The following POU6F2 variants were observed in gnomAD, a reference collection of about 807,000 sequenced individuals.
POU6F2 encodes POU class 6 homeobox 2.
Under a neutral mutation model 71.3 loss-of-function variants are expected in POU6F2, and 31 were observed. The ratio of observed to expected loss-of-function variants is 0.43; its 90% confidence interval spans 0.33 to 0.59. The LOEUF (loss-of-function observed/expected upper bound fraction) is 0.59. Among genes scored for constraint, POU6F2 ranks in the 20% least tolerant of loss-of-function variants. The pLI, the probability that POU6F2 is intolerant of heterozygous loss-of-function variation, is 0.04. For synonymous variants in POU6F2, 347 were observed against 355.7 expected (o/e 0.98, Z 0.27); for missense variants, 783 against 856.8 (o/e 0.91, Z 1.07).
chr7:39,219,274 G>C (rs1374912811), intron 4 of POU6F2, among the ~76,000 whole-genome samples: 1 of 152,168 alleles, frequency 6.6e-6, no homozygotes, highest in Non-Finnish European at 1.5e-5. Flanking sequence ...CATGTATAAA[G>C]AAGCTATTTT....
At chr7:39,037,348 T>A (rs1242391435) in intron 1 of POU6F2, among the ~76,000 whole-genome samples, 1 of 152,022 alleles carries the variant, frequency 6.6e-6, no homozygotes, top group Non-Finnish European at 1.5e-5. Context: ...CTCTAACTTA[T>A]GCAACCAGCA....
chr7:39,458,487 G>C (rs531430833), intron 8 of POU6F2, among the ~76,000 whole-genome samples: 1 of 152,140 alleles, frequency 6.6e-6, no homozygotes, highest in South Asian at 2.1e-4. Context: ...AGGAAAAAAG[G>C]GCTCGAGACT....
chr7:38,999,093 G>C (rs1788826754), intron 1 of POU6F2, among the ~76,000 whole-genome samples: 1 of 152,128 alleles, frequency 6.6e-6, no homozygotes, highest in South Asian at 2.1e-4. Context: ...TTAGGAGTCA[G>C]ATGCTGGAGT....
intron 2 of POU6F2, chr7:39,132,267 C>G (rs1001274423): frequency 6.6e-6 from 1 of 152,144 alleles, no homozygotes; most frequent in Admixed American, 6.5e-5. Flanking sequence ...CATCTGAATT[C>G]AAATTTGCTC....
intron 2 of POU6F2, among the ~76,000 whole-genome samples, chr7:39,175,034 C>G (rs1212503656): frequency 2.0e-5 from 3 of 152,082 alleles, no homozygotes; most frequent in South Asian, 4.1e-4. Flanking sequence ...ATTACTTTTT[C>G]CCTTTGGTTA....
At chr7:39,302,103 T>C (rs940656127) in intron 4 of POU6F2, among the ~76,000 whole-genome samples, 1 of 152,204 alleles carries the variant, frequency 6.6e-6, no homozygotes, top group African/African-American at 2.4e-5. Flanking sequence ...GTCTATAGTT[T>C]TCAGAAACCA....
intron 2 of POU6F2, among the ~76,000 whole-genome samples, chr7:39,146,889 A>C (rs1362660507): frequency 6.6e-6 from 1 of 152,190 alleles, no homozygotes; most frequent in Non-Finnish European, 1.5e-5. Context: ...TAATTAGTTC[A>C]TACCATTTAA....
At chr7:39,381,532 A>G (rs1384124038) in intron 5 of POU6F2, among the ~76,000 whole-genome samples, 2 of 152,100 alleles carry the variant, frequency 1.3e-5, no homozygotes, top group African/African-American at 4.8e-5. Flanking sequence ...ATGAGCCTCC[A>G]TGCCCAGCTT....
chr7:39,064,831 T>G (rs1790725061), intron 1 of POU6F2, among the ~76,000 whole-genome samples: 2 of 151,856 alleles, frequency 1.3e-5, no homozygotes, highest in African/African-American at 4.8e-5. Context: ...AAGTACTAAA[T>G]GATAAAAATT....
intron 8 of POU6F2, among the ~76,000 whole-genome samples, chr7:39,454,184 G>A (rs1788729677): frequency 1.3e-5 from 2 of 152,142 alleles, no homozygotes; most frequent in African/African-American, 4.8e-5. Context: ...CGCAGGGCAA[G>A]GTCTGGAAGG....
rs866086699 is a variant in POU6F2, at chr7:39,015,830, G to T, written c.105+37772G>T. On this transcript the variant is annotated intron_variant, in intron 1 of 9. Transcript: ENST00000518318. ...ATTATATAGGTATATATTATATATA[G>T]ATATATAATATATTATATATAGATA... Among the ~76,000 whole-genome samples the T allele has an allele frequency of 3.0e-3, 191 of 64,352 alleles. 1 individual carries two copies. Among genetic ancestry groups the T allele is most frequent in the African/African-American group, 0.011 (187 of 16,464 alleles). The allele number at this position is 64,352 out of a possible 152,430, so 42.2% of individuals were successfully genotyped here. A position where few individuals can be genotyped will look rare whatever the true frequency, so the allele number is the denominator to read the frequency against.
intron 2 of POU6F2, among the ~76,000 whole-genome samples, chr7:39,145,352 T>TGA (rs1792597773): frequency 6.6e-6 from 1 of 152,156 alleles, no homozygotes; most frequent in Admixed American, 6.5e-5. Flanking sequence ...ATGATGTTTA[T>TGA]GAGAGAGAGA....
chr7:39,277,525 A>G (rs564934446), intron 4 of POU6F2, among the ~76,000 whole-genome samples: 1 of 152,290 alleles, frequency 6.6e-6, no homozygotes, highest in African/African-American at 2.4e-5. Flanking sequence ...TATTTCCGCA[A>G]AAAGCAAGTA....
chr7:39,465,792 G>C lies in POU6F2; in HGVS notation c.*1106G>C, dbSNP rs1789057920. On this transcript the variant is annotated 3_prime_UTR_variant, in exon 10 of 10. Transcript: ENST00000518318. The stretch of plus-strand genomic sequence containing the variant: ...TCAGTCTGTTGGCCACGTACATGGA[G>C]AGCTGACCAAAACTAATTTTGTAAT... The C allele has an allele frequency of 6.6e-6, 1 of 152,220 alleles. No individual in the cohort carries two copies. 9.4% of individuals were successfully genotyped at this position (152,220 alleles called of 1,614,324 possible).
intron 1 of POU6F2, among the ~76,000 whole-genome samples, chr7:39,019,171 C>T (rs914187673): frequency 5.9e-5 from 9 of 152,064 alleles, no homozygotes; most frequent in Non-Finnish European, 1.2e-4. Flanking sequence ...CCCCACATGC[C>T]TGAAAATGAC....
chr7:39,059,022 A>G (rs1562689446), intron 1 of POU6F2, among the ~76,000 whole-genome samples: 1 of 152,218 alleles, frequency 6.6e-6, no homozygotes, highest in Non-Finnish European at 1.5e-5. Flanking sequence ...AATGTAAAAA[A>G]TAAACACCTT....
intron 5 of POU6F2, among the ~76,000 whole-genome samples, chr7:39,348,747 A>G (rs1786078006): frequency 6.6e-6 from 1 of 152,234 alleles, no homozygotes; most frequent in African/African-American, 2.4e-5. Context: ...CACTGATCCA[A>G]AGAAATTTTA....
In POU6F2 at chr7:39,204,685, A is replaced by G. The variant is rs1010730210; in HGVS notation, c.369+359A>G. 5.3e-5 allele frequency among the ~76,000 whole-genome samples: 8 copies of G among 152,140 alleles called. No individual in the cohort carries two copies. In the East Asian group the frequency reaches 5.8e-4, roughly 11 times the overall value. On this transcript the variant is annotated intron_variant, in intron 3 of 9. Coordinates refer to ENST00000518318, the MANE Select transcript of POU6F2 (RefSeq NM_001370959.1). ...AAAATTAAGTTATTTCAACCTTACT[A>G]TAGCCATTTTTGAAATAGAAGATGT... is the stretch of plus-strand genomic sequence containing the variant.
chr7:39,078,730 A>G (rs116556531), intron 1 of POU6F2, among the ~76,000 whole-genome samples: 2,050 of 152,312 alleles, frequency 0.013, 41 homozygotes, highest in African/African-American at 0.046. Context: ...AGCAAAATCC[A>G]GGCTGCCCCA....
Sources: gnomAD v4.1 joint callset for allele counts (sites outside exome capture counted in the v4.1 genomes callset) on GRCh38, gnomAD v4.1.1 for gene constraint, MANE v1.5 for transcripts, NCBI Gene and HGNC (gene_info 2026-07-23, HGNC 2026-07-21) for gene names.